PKIA: variants seen among roughly 807,000 people sequenced by gnomAD.
PKIA encodes the protein cAMP-dependent protein kinase inhibitor alpha.
In PKIA, 4 loss-of-function variants were observed where a neutral mutation model predicts 7.6. That is an observed-to-expected ratio of 0.52 (90% CI 0.26 to 1.20). The LOEUF (loss-of-function observed/expected upper bound fraction) is 1.20. PKIA is among the 50% of genes most tolerant of loss of function. The probability of loss-of-function intolerance (pLI) is 0.13; values close to 1 mark genes in which losing one functional copy is unlikely to be tolerated. For missense variants in PKIA, 73 were observed against 86.2 expected, an observed-to-expected ratio of 0.85 and a Z score of 0.61; for synonymous variants, 21 against 30.7, an observed-to-expected ratio of 0.68 and a Z score of 1.04.
At chr8:78,580,144 C>T (rs564012547) in intron 2 of PKIA, among the ~76,000 whole-genome samples, 63 of 151,694 alleles carry the variant, frequency 4.2e-4, no homozygotes, top group Admixed American at 8.6e-4. Flanking sequence ...TTTTAAGTTG[C>T]GAAGTATTAA....
rs1808443814 is a variant in PKIA at position 78,605,201 on chromosome 8, T to C, written c.*3380T>C. 6.6e-6 allele frequency: 1 copy of C among 151,992 alleles called. No homozygotes were observed. Among genetic ancestry groups the C allele is most frequent in the East Asian group, 1.9e-4 (1 of 5,178 alleles). The allele number at this position is 151,992 out of a possible 1,614,324, so 9.4% of individuals were successfully genotyped here. The stretch of plus-strand genomic sequence containing the variant: ...AGTCATTTGTGAGCTTGTATGACTT[T>C]TGTATTTAGCAATGTTGCATGCTCA... On this transcript the variant is annotated 3_prime_UTR_variant, in exon 4 of 4. Transcript: ENST00000396418.
intron 1 of PKIA, among the ~76,000 whole-genome samples, chr8:78,559,975 T>C (rs1257732450): frequency 1.3e-5 from 2 of 152,250 alleles, no homozygotes; most frequent in African/African-American, 4.8e-5. Context: ...ATGTTATAAT[T>C]AATTCCTAAA....
rs1341569482 is a variant in PKIA, at chr8:78,598,378, G to C, written c.-7G>C. On this transcript the variant is annotated 5_prime_UTR_variant, in exon 3 of 4. Coordinates refer to ENST00000396418, the MANE Select transcript of PKIA (RefSeq NM_006823.4). The stretch of plus-strand genomic sequence containing the variant: ...TGTAGTCCCTGCTATGTGGATATTT[G>C]GTAGCAATGACTGATGTGGAAACTA... 1 of 1,603,890 alleles carries C rather than the reference G, an allele frequency of 6.2e-7. No homozygotes were observed. Among genetic ancestry groups the C allele is most frequent in the Non-Finnish European group, 8.5e-7 (1 of 1,173,268 alleles).
At position 78,604,033 on chromosome 8, in the gene PKIA, A is replaced by C. The variant is rs901758397; in HGVS notation, c.*2212A>C. ...TCCCAAGCTAGGGAGATAAAAATTA[A>C]TTTTCTAAAATGTCCACATCCTATA... On this transcript the variant is annotated 3_prime_UTR_variant, in exon 4 of 4. Coordinates refer to ENST00000396418, the MANE Select transcript of PKIA (RefSeq NM_006823.4). 1 of 151,936 alleles carries C rather than the reference A, an allele frequency of 6.6e-6. No homozygotes were observed. The highest frequency in any genetic ancestry group is 1.5e-5 in the Non-Finnish European group (1 of 67,934). The allele number at this position is 151,936 out of a possible 1,614,324, so 9.4% of individuals were successfully genotyped here.
chr8:78,593,273 C>T (rs1808147561), intron 2 of PKIA, among the ~76,000 whole-genome samples: 3 of 152,128 alleles, frequency 2.0e-5, no homozygotes, highest in African/African-American at 7.2e-5. Flanking sequence ...CAGGCGTGCA[C>T]CACTACGCCC....
intron 2 of PKIA, among the ~76,000 whole-genome samples, chr8:78,574,749 G>C (rs1265692639): frequency 1.3e-5 from 2 of 151,880 alleles, no homozygotes; most frequent in Non-Finnish European, 2.9e-5. Context: ...CATTCACTAT[G>C]CACAATTTTT....
rs1242528356 is a variant in PKIA, at chr8:78,597,300, G to A, written c.-27-1058G>A. 3.3e-5 allele frequency among the ~76,000 whole-genome samples: 5 copies of A among 152,030 alleles called. No individual in the cohort carries two copies. In the East Asian group the frequency reaches 9.6e-4, roughly 29 times the overall value. On this transcript the variant is annotated intron_variant, in intron 2 of 3. Transcript: ENST00000396418. ...GCCATTTTAATGATAGAAATGAAAGGGTTTTGAGTAATCAGTTTTTGTACC... is the reference window on the plus strand; with the variant it reads ...GCCATTTTAATGATAGAAATGAAAGAGTTTTGAGTAATCAGTTTTTGTACC...
At chr8:78,601,565 G>C (rs752703412) in intron 3 of PKIA, among the ~76,000 whole-genome samples, 177 bp from the exon 4 acceptor site, 5 of 151,972 alleles carry the variant, frequency 3.3e-5, no homozygotes. Flanking sequence ...ATCAGTCCTT[G>C]AAAACTTAAG....
At chr8:78,548,040 ATATAT>A (rs1213196720) in intron 1 of PKIA, among the ~76,000 whole-genome samples, 3 of 152,128 alleles carry the variant, frequency 2.0e-5, no homozygotes, top group Admixed American at 2.0e-4. Context: ...TATCTCACAA[ATATAT>A]TAAGATAAAT....
chr8:78,540,719 T>G (rs1056371366), intron 1 of PKIA, among the ~76,000 whole-genome samples: 1 of 152,010 alleles, frequency 6.6e-6, no homozygotes, highest in African/African-American at 2.4e-5. Flanking sequence ...ATTTTTTTTT[T>G]TTAGACATTC....
At chr8:78,537,734 A>G (rs1012374640) in intron 1 of PKIA, among the ~76,000 whole-genome samples, 3 of 152,002 alleles carry the variant, frequency 2.0e-5, no homozygotes, top group African/African-American at 7.2e-5. Context: ...GAAAGAAAAT[A>G]AAAATGTGAT....
intron 1 of PKIA, among the ~76,000 whole-genome samples, chr8:78,527,343 A>T (rs1585867978): frequency 6.6e-6 from 1 of 152,158 alleles, no homozygotes; most frequent in East Asian, 1.9e-4. Context: ...CACATATATT[A>T]CACATATTTT....
intron 1 of PKIA, among the ~76,000 whole-genome samples, chr8:78,527,528 G>C (rs1210821875): frequency 6.6e-6 from 1 of 151,908 alleles, no homozygotes; most frequent in East Asian, 1.9e-4. Context: ...GTTTAACAAG[G>C]AAAACTTATT....
At chr8:78,555,450 G>A (rs1379168747) in intron 1 of PKIA, among the ~76,000 whole-genome samples, 3 of 152,002 alleles carry the variant, frequency 2.0e-5, no homozygotes, top group Admixed American at 2.0e-4. Flanking sequence ...GAGTCTGCTA[G>A]GCATCAGAAC....
At chr8:78,554,938 A>C (rs1175779699) in intron 1 of PKIA, among the ~76,000 whole-genome samples, 2 of 152,080 alleles carry the variant, frequency 1.3e-5, no homozygotes, top group Non-Finnish European at 2.9e-5. Flanking sequence ...AGTTAAAATA[A>C]GATGAACCAG....
chr8:78,573,328 C>T (rs1266768883), intron 2 of PKIA, among the ~76,000 whole-genome samples: 1 of 151,898 alleles, frequency 6.6e-6, no homozygotes, highest in Non-Finnish European at 1.5e-5. Flanking sequence ...GCATTTAGTT[C>T]TTTAAGAGGA....
chr8:78,544,660 G>C (rs1231923268), intron 1 of PKIA, among the ~76,000 whole-genome samples: 1 of 152,098 alleles, frequency 6.6e-6, no homozygotes, highest in Non-Finnish European at 1.5e-5. Context: ...ATTAATCCAG[G>C]AATCAAAAAC....
intron 1 of PKIA, among the ~76,000 whole-genome samples, chr8:78,552,125 A>T (rs1018693500): frequency 6.6e-6 from 1 of 151,992 alleles, no homozygotes; most frequent in African/African-American, 2.4e-5. Flanking sequence ...AATTTAGTTC[A>T]ATCTGAAAGT....
intron 2 of PKIA, among the ~76,000 whole-genome samples, chr8:78,579,424 C>T (rs1398207988): frequency 6.6e-6 from 1 of 151,960 alleles, no homozygotes; most frequent in East Asian, 1.9e-4. Flanking sequence ...AACTCATTTA[C>T]CACTTTCCCC....
Sources: allele counts gnomAD v4.1 joint callset (sites outside exome capture counted in the v4.1 genomes callset), GRCh38; gene constraint gnomAD v4.1.1; transcripts MANE v1.5; gene names NCBI Gene and HGNC (gene_info 2026-07-23, HGNC 2026-07-21).